HCFC2: variants seen among roughly 807,000 people sequenced by gnomAD.
HCFC2 encodes host cell factor C2, also known as host cell factor 2.
HCFC2 carries 18 observed loss-of-function variants against 89.2 expected under a neutral mutation model. The observed-to-expected ratio is 0.20, with a 90% CI of 0.14 to 0.30. HCFC2 has a LOEUF of 0.30. HCFC2 is among the 10% of genes least tolerant of loss of function. The pLI is 1.00. For synonymous variants in HCFC2, 308 were observed against 335.7 expected (o/e 0.92, Z 0.90); for missense variants, 578 against 956.1 (o/e 0.60, Z 5.21).
rs2029906100 is a variant in HCFC2, at chr12:104,100,538, C to T, written c.1879-1430C>T. 2.0e-5 allele frequency among the ~76,000 whole-genome samples: 3 copies of T among 151,866 alleles called. No homozygotes were observed. In the South Asian group the frequency reaches 6.2e-4, roughly 32 times the overall value. ...GCAGTGAGCCATGTTCAGGCCACTG[C>T]ACTCCAGCCTGGATGACAGAGTGAG... On this transcript the variant is annotated intron_variant, in intron 13 of 14. Coordinates refer to ENST00000229330, the MANE Select transcript of HCFC2 (RefSeq NM_013320.3).
chr12:104,078,356 A>G (rs1366789443), intron 3 of HCFC2, among the ~76,000 whole-genome samples: 1 of 152,166 alleles, frequency 6.6e-6, no homozygotes, highest in African/African-American at 2.4e-5. Flanking sequence ...TCCTAGAATT[A>G]TTTTCCGCAA....
Position 104,095,370 on chromosome 12 carries a change from T to C in HCFC2, c.1473T>C (p.Thr491=). The part of the protein sequence containing the change: ...DMLRKNEGPH[T]SANVGVLSSC... ...TCCCTTTTATTTTAGGTCCTCACAC[T>C]TCAGCAAATGTAGGTGTTCTAAGTA... Residue 491 remains threonine, a synonymous_variant, in exon 11 of 15, where the codon ACT becomes ACC. Coordinates refer to ENST00000229330, the MANE Select transcript of HCFC2 (RefSeq NM_013320.3). The surrounding 1 kb of genome is among the most constrained non-coding windows in gnomAD (Gnocchi z 4.2). 1 of 1,612,612 alleles carries C rather than the reference T, an allele frequency of 6.2e-7. No homozygotes were observed. The highest frequency in any genetic ancestry group is 2.2e-5 in the East Asian group (1 of 44,790).
intron 5 of HCFC2, among the ~76,000 whole-genome samples, chr12:104,081,640 A>T (rs1385779021): frequency 6.6e-6 from 1 of 150,742 alleles, no homozygotes; most frequent in Non-Finnish European, 1.5e-5. Flanking sequence ...ACCAAACAGG[A>T]TGGTCTTTAC....
chr12:104,068,413 C>T lies in HCFC2; in HGVS notation c.473+306C>T, dbSNP rs915064916. On this transcript the variant is annotated intron_variant, in intron 3 of 14. Transcript: ENST00000229330. This position sits in a 1 kb window ranked among gnomAD's most constrained non-coding sequence, Gnocchi z 4.1. The stretch of plus-strand genomic sequence containing the variant: ...TATCAATATATTTGTATATATTGAG[C>T]CATAATGCATTTTAGCTGCCTCATA... 2.6e-5 allele frequency among the ~76,000 whole-genome samples: 4 copies of T among 151,984 alleles called. No individual in the cohort carries two copies. The highest frequency in any genetic ancestry group is 9.7e-5 in the African/African-American group (4 of 41,384).
intron 7 of HCFC2, among the ~76,000 whole-genome samples, chr12:104,086,138 C>G (rs986735559): frequency 1.3e-5 from 2 of 151,896 alleles, no homozygotes; most frequent in African/African-American, 2.4e-5. Flanking sequence ...CCTGGAATTA[C>G]AGGCGCCAGC....
intron 3 of HCFC2, among the ~76,000 whole-genome samples, chr12:104,075,585 A>G (rs1883469806): frequency 6.6e-6 from 1 of 151,114 alleles, no homozygotes; most frequent in East Asian, 1.9e-4. Context: ...CAGCCTTCTG[A>G]GTAGCTAGGA....
At chr12:104,084,338 G>A (rs777662066) in intron 7 of HCFC2, among the ~76,000 whole-genome samples, 6 of 152,084 alleles carry the variant, frequency 3.9e-5, no homozygotes, top group Non-Finnish European at 7.4e-5. Flanking sequence ...CTTCAGGGTG[G>A]GTAGTCAAAA....
chr12:104,071,873 C>T (rs1027757245), intron 3 of HCFC2, among the ~76,000 whole-genome samples: 2 of 152,270 alleles, frequency 1.3e-5, no homozygotes, highest in Admixed American at 1.3e-4. Context: ...AAAGTAGTAT[C>T]TCATTGTGGT....
intron 3 of HCFC2, among the ~76,000 whole-genome samples, chr12:104,070,819 T>G (rs909419031): frequency 2.3e-4 from 34 of 149,768 alleles, no homozygotes; most frequent in African/African-American, 7.8e-4. Context: ...TTTTTTTTTT[T>G]TTTGAGACGG....
Position 104,064,824 on chromosome 12 carries a change from C to T in HCFC2, c.163+101C>T. 8.9e-7 allele frequency: 1 copy of T among 1,127,338 alleles called. No individual in the cohort carries two copies. The allele number at this position is 1,127,338 out of a possible 1,614,324, so 69.8% of individuals were successfully genotyped here. On this transcript the variant is annotated intron_variant, in intron 1 of 14. Transcript: ENST00000229330. The surrounding 1 kb of genome is among the most constrained non-coding windows in gnomAD (Gnocchi z 7.3). ...GCCCTGACAGCTGTCACCGCCCGGT[C>T]ACTGCTTCCTTGGGCGGGCGGCGGG... is the stretch of plus-strand genomic sequence containing the variant.
intron 2 of HCFC2, 94 bp downstream of exon 2, chr12:104,066,409 C>A: frequency 1.1e-6 from 1 of 879,138 alleles, no homozygotes; most frequent in Non-Finnish European, 1.7e-6. Flanking sequence ...CATTGTTTAA[C>A]ACATTTTAAT....
chr12:104,073,233 C>T (rs1258014267), intron 3 of HCFC2, among the ~76,000 whole-genome samples: 1 of 148,734 alleles, frequency 6.7e-6, no homozygotes, highest in Non-Finnish European at 1.5e-5. Context: ...GGAGCGATCT[C>T]GGCTCACTGC....
chr12:104,093,637 ATGT>A (rs1186451334), intron 10 of HCFC2, 74 bp downstream of exon 10: 2 of 1,322,068 alleles, frequency 1.5e-6, no homozygotes, highest in African/African-American at 1.5e-5. Flanking sequence ...GAAAAAGTAA[ATGT>A]TGTACAGTTT....
rs3861087 is a variant in HCFC2, at chr12:104,065,828, G to A, written c.164-339G>A. On this transcript the variant is annotated intron_variant, in intron 1 of 14. Coordinates refer to ENST00000229330, the MANE Select transcript of HCFC2 (RefSeq NM_013320.3). ...GATTTTTATACTCACCCAGCAGGGC[G>A]TTTTGTAAGAATTAAATGATACAGA... Among the ~76,000 whole-genome samples the A allele has an allele frequency of 7.2e-3, 1,094 of 152,238 alleles. 21 individuals are homozygous for A. The highest frequency in any genetic ancestry group is 0.025 in the African/African-American group (1,045 of 41,530).
At chr12:104,090,470 T>C (rs1167097879) in intron 9 of HCFC2, among the ~76,000 whole-genome samples, 1 of 152,000 alleles carries the variant, frequency 6.6e-6, no homozygotes, top group East Asian at 1.9e-4. Flanking sequence ...CCTTCATTAC[T>C]GATGATTTCT....
At chr12:104,075,380 ACTGT>A (rs887236740) in intron 3 of HCFC2, among the ~76,000 whole-genome samples, 12 of 149,448 alleles carry the variant, frequency 8.0e-5, no homozygotes, top group Middle Eastern at 3.4e-3. Context: ...AGTTTTATTG[ACTGT>A]CTGTTTTTCT....
intron 13 of HCFC2, 135 bp downstream of exon 13, chr12:104,098,615 G>C: frequency 1.2e-6 from 1 of 834,796 alleles, no homozygotes. Flanking sequence ...CAGGTCACTT[G>C]AATGAGTAAA....
intron 8 of HCFC2, among the ~76,000 whole-genome samples, chr12:104,087,471 A>ATATATATATG (rs1566232427): frequency 3.3e-4 from 2 of 5,978 alleles, no homozygotes; most frequent in African/African-American, 6.9e-4. Context: ...ATATACATAT[A>ATATATATATG]TATATATATA....
chr12:104,079,661 TAACTTG>T lies in HCFC2; in HGVS notation c.682+10_682+15del. The T allele has an allele frequency of 6.2e-7, 1 of 1,606,486 alleles. No individual in the cohort carries two copies. Among genetic ancestry groups the T allele is most frequent in the South Asian group, 1.1e-5 (1 of 90,808 alleles). ...TATGGCAGCTTGACTTAGGTAAGTT[TAACTTG>T]ATTCAGGCTCAGGAATAGGGCAAAT... is the stretch of plus-strand genomic sequence containing the variant. On this transcript the variant is annotated intron_variant, in intron 4 of 14. Coordinates refer to ENST00000229330, the MANE Select transcript of HCFC2 (RefSeq NM_013320.3).
Sources: gnomAD v4.1 joint callset for allele counts (sites outside exome capture counted in the v4.1 genomes callset) on GRCh38, gnomAD v4.1.1 for gene constraint, Gnocchi (gnomAD v3.1) non-coding constraint, MANE v1.5 for transcripts, NCBI Gene and HGNC (gene_info 2026-07-23, HGNC 2026-07-21) for gene names.